The following TPD52L2 variants were observed in gnomAD, a reference collection of about 807,000 sequenced individuals.
TPD52L2 encodes the protein TPD52 like 2.
A neutral mutation model predicts 24.7 loss-of-function variants in TPD52L2; 19 were observed. The ratio of observed to expected loss-of-function variants is 0.77; its 90% CI spans 0.54 to 1.13. The LOEUF is 1.13. Ranked by LOEUF, TPD52L2 falls within the 50% of genes most tolerant of loss-of-function variation. TPD52L2 has a pLI of 0.00. For missense variants in TPD52L2, 236 were observed against 250.4 expected, an observed-to-expected ratio of 0.94 and a Z score of 0.39; for synonymous variants, 104 against 100.2, an observed-to-expected ratio of 1.04 and a Z score of -0.23.
chr20:63,869,476 T>C (rs2033709945), intron 2 of TPD52L2, 35 bp downstream of exon 2: 5 of 1,610,784 alleles, frequency 3.1e-6, no homozygotes. Context: ...TGGGGTGAAT[T>C]GGAGTTAAGG....
chr20:63,886,415 C>T (rs1280499308), intron 5 of TPD52L2, among the ~76,000 whole-genome samples: 1 of 151,684 alleles, frequency 6.6e-6, no homozygotes, highest in Non-Finnish European at 1.5e-5. Flanking sequence ...GGTTGGAGTG[C>T]CGTGGCGCGA....
chr20:63,882,674 G>A (rs2146227581), intron 4 of TPD52L2, 45 bp from the exon 5 acceptor site: 1 of 1,498,766 alleles, frequency 6.7e-7, no homozygotes, highest in East Asian at 2.3e-5. Context: ...TGTGGGTGGT[G>A]ACCCGCCCAT....
chr20:63,868,007 G>T (rs1424340914), intron 1 of TPD52L2, among the ~76,000 whole-genome samples: 1 of 151,068 alleles, frequency 6.6e-6, no homozygotes, highest in Non-Finnish European at 1.5e-5. Context: ...GTAATCTCCC[G>T]GGTTCAAGTG....
At chr20:63,878,271 G>T (rs1196344894) in intron 4 of TPD52L2, among the ~76,000 whole-genome samples, 4 of 152,392 alleles carry the variant, frequency 2.6e-5, no homozygotes, top group African/African-American at 9.6e-5. Flanking sequence ...GGCCCCATGA[G>T]GCTGCAATGC....
At chr20:63,882,315 CAG>C (rs998759164) in intron 4 of TPD52L2, among the ~76,000 whole-genome samples, 3 of 152,376 alleles carry the variant, frequency 2.0e-5, no homozygotes, top group East Asian at 3.9e-4. Flanking sequence ...GCGTGCACCT[CAG>C]GGGGCCCGTC....
intron 4 of TPD52L2, among the ~76,000 whole-genome samples, chr20:63,876,346 T>C (rs1256544404): frequency 6.6e-6 from 1 of 152,156 alleles, no homozygotes; most frequent in Non-Finnish European, 1.5e-5. Context: ...GAGGGCATGG[T>C]GTAGGATATG....
chr20:63,890,392 T>TA lies in TPD52L2; in HGVS notation c.*448dup, dbSNP rs1320177530. ...CAATCACCCAGCAAGTCCTACCTGTTACGCAATTTTTTATCTCAAAATGCC... is the reference window on the plus strand; with the variant it reads ...CAATCACCCAGCAAGTCCTACCTGTTAACGCAATTTTTTATCTCAAAATGCC... On this transcript the variant is annotated 3_prime_UTR_variant, in exon 7 of 7. Coordinates refer to ENST00000346249, the MANE Select transcript of TPD52L2 (RefSeq NM_003288.4). 15 of 184,950 alleles carry TA rather than the reference T, an allele frequency of 8.1e-5. No homozygotes were observed. Among genetic ancestry groups the TA allele is most frequent in the Admixed American group, 3.1e-4 (5 of 16,172 alleles). 11.5% of individuals were successfully genotyped at this position (184,950 alleles called of 1,614,324 possible).
intron 4 of TPD52L2, among the ~76,000 whole-genome samples, chr20:63,881,078 C>T (rs544810618): frequency 3.3e-5 from 5 of 151,844 alleles, no homozygotes; most frequent in Non-Finnish European, 5.9e-5. Context: ...GTCATCCGAG[C>T]GGGCTGGGCG....
At chr20:63,888,608 C>T (rs2053218763) in intron 5 of TPD52L2, 1 of 133,660 alleles carries the variant, frequency 7.5e-6, no homozygotes, top group African/African-American at 2.9e-5. Flanking sequence ...CCCAACTGCG[C>T]AGACTTTTCA....
chr20:63,873,857 A>G lies in TPD52L2; in HGVS notation c.314+41A>G, dbSNP rs1360208027. Reference sequence around the variant, plus strand: ...AGGCGCACCCCTGGGGGCTGAAGAGAACGGGCACCACACGTGCCCCGGCAT... The same window carrying G: ...AGGCGCACCCCTGGGGGCTGAAGAGGACGGGCACCACACGTGCCCCGGCAT... On this transcript the variant is annotated intron_variant, in intron 3 of 6. Transcript: ENST00000346249. 5 of 1,442,512 alleles carry G rather than the reference A, an allele frequency of 3.5e-6. No individual in the cohort carries two copies. The African/African-American group carries it at 7.3e-5, about 21-fold the overall frequency. The allele number at this position is 1,442,512 out of a possible 1,614,324, so 89.4% of individuals were successfully genotyped here.
At chr20:63,865,532 CT>C (rs1296992394) in intron 1 of TPD52L2, 148 bp downstream of exon 1, 3 of 1,110,220 alleles carry the variant, frequency 2.7e-6, no homozygotes, top group East Asian at 3.0e-5. Flanking sequence ...GGCCACTGAC[CT>C]CGAAGCTTAT....
intron 4 of TPD52L2, among the ~76,000 whole-genome samples, chr20:63,876,118 A>G (rs924552827): frequency 6.6e-6 from 1 of 152,186 alleles, no homozygotes; most frequent in African/African-American, 2.4e-5. Flanking sequence ...TCTGCCTGAT[A>G]TGCGTCCCTT....
chr20:63,866,088 A>ATT (rs1600770373), intron 1 of TPD52L2, among the ~76,000 whole-genome samples: 1 of 151,582 alleles, frequency 6.6e-6, no homozygotes, highest in African/African-American at 2.4e-5. Flanking sequence ...GGGATGCTAA[A>ATT]TTTCTTTCTT....
rs187629401 is a variant in TPD52L2, at chr20:63,865,305, C to G, written c.-61C>G. 2 of 1,493,596 alleles carry G rather than the reference C, an allele frequency of 1.3e-6. No homozygotes were observed. Among genetic ancestry groups the G allele is most frequent in the Non-Finnish European group, 1.8e-6 (2 of 1,127,808 alleles). The allele number at this position is 1,493,596 out of a possible 1,614,324, so 92.5% of individuals were successfully genotyped here. On this transcript the variant is annotated 5_prime_UTR_variant, in exon 1 of 7. Transcript: ENST00000346249. ...GCTAGTGTGTACGCGGCGAGCTTCT[C>G]CCGGCGCCGCCCGCTCGGCTCCCAT...
chr20:63,886,192 C>A lies in TPD52L2; in HGVS notation c.477-2998C>A. 5.0e-6 allele frequency: 4 copies of A among 799,336 alleles called. No individual in the cohort carries two copies. In the East Asian group the frequency reaches 7.4e-5, roughly 15 times the overall value. 49.5% of individuals were successfully genotyped at this position (799,336 alleles called of 1,614,324 possible). A position where few individuals can be genotyped will look rare whatever the true frequency, so the allele number is the denominator to read the frequency against. On this transcript the variant is annotated intron_variant, in intron 5 of 6. Coordinates refer to ENST00000346249, the MANE Select transcript of TPD52L2 (RefSeq NM_003288.4). ...GACAGCAGTGCCAGCCAGGTGGTTG[C>A]TGCATCTCAGGGAACAAAGCAGCAG...
intron 5 of TPD52L2, among the ~76,000 whole-genome samples, chr20:63,883,225 G>A (rs1272716778): frequency 6.6e-6 from 1 of 152,180 alleles, no homozygotes; most frequent in Non-Finnish European, 1.5e-5. Context: ...TCCTCAGGCT[G>A]TTTCCCAGGT....
At chr20:63,885,579 C>T (rs550454877) in intron 5 of TPD52L2, among the ~76,000 whole-genome samples, 24 of 152,354 alleles carry the variant, frequency 1.6e-4, no homozygotes, top group East Asian at 7.7e-4. Flanking sequence ...TTGGGGAACA[C>T]GGGCCGCTCT....
chr20:63,883,390 C>T lies in TPD52L2; in HGVS notation c.476+570C>T, dbSNP rs1037720263. Among the ~76,000 whole-genome samples the T allele has an allele frequency of 2.0e-5, 3 of 152,168 alleles. No homozygotes were observed. In the East Asian group the frequency reaches 5.8e-4, roughly 29 times the overall value. ...GCGCTTTGTGGCTGGCATGTTTGCTCTTCCTTCCCTGTTCTAGGCTCCCTG... is the reference window on the plus strand; with the variant it reads ...GCGCTTTGTGGCTGGCATGTTTGCTTTTCCTTCCCTGTTCTAGGCTCCCTG... On this transcript the variant is annotated intron_variant, in intron 5 of 6. Transcript: ENST00000346249.
At chr20:63,869,118 A>C (rs551960889) in intron 1 of TPD52L2, among the ~76,000 whole-genome samples, 178 bp from the exon 2 acceptor site, 4 of 152,170 alleles carry the variant, frequency 2.6e-5, no homozygotes, top group Non-Finnish European at 5.9e-5. Context: ...AGGTGGTCTG[A>C]GGTGTGGCTG....
Sources: allele counts gnomAD v4.1 joint callset (sites outside exome capture counted in the v4.1 genomes callset), GRCh38; gene constraint gnomAD v4.1.1; transcripts MANE v1.5; gene names NCBI Gene and HGNC (gene_info 2026-07-23, HGNC 2026-07-21).